Variants in BCOR observed in about 807,000 individuals in gnomAD.
The protein encoded by BCOR is BCL-6 corepressor.
Under a neutral mutation model 86.7 loss-of-function variants are expected in BCOR, and 10 were observed. The observed-to-expected ratio is 0.12, with a 90% CI of 0.07 to 0.20. The LOEUF is 0.20. Among genes scored for constraint, BCOR ranks in the 10% least tolerant of loss-of-function variants. The pLI, the probability that BCOR is intolerant of heterozygous loss-of-function variation, is 1.00. For missense variants in BCOR, 1,259 were observed against 1,452.1 expected (o/e 0.87, Z 2.16); for synonymous variants, 611 against 609.0 (o/e 1.00, Z -0.05).
At chrX:40,142,208 C>G (rs1374957700) in intron 1 of BCOR, among the ~76,000 whole-genome samples, 1 of 112,362 alleles carries the variant, frequency 8.9e-6, no homozygotes, top group Non-Finnish European at 1.9e-5. Flanking sequence ...AACCAGCAGT[C>G]ACTTTCCTCC....
intron 1 of BCOR, among the ~76,000 whole-genome samples, chrX:40,138,290 A>G (rs1232540377): frequency 8.9e-6 from 1 of 111,792 alleles, no homozygotes; most frequent in East Asian, 2.8e-4. Context: ...GAAACTCTCC[A>G]TGAGTGGAAA....
At chrX:40,143,575 G>A (rs1374085625) in intron 1 of BCOR, among the ~76,000 whole-genome samples, 1 of 112,776 alleles carries the variant, frequency 8.9e-6, no homozygotes, top group African/African-American at 3.2e-5. Flanking sequence ...ACGAAAGATG[G>A]TATCAAGGCC....
At chrX:40,091,927 G>A (rs1269142771) in intron 1 of BCOR, among the ~76,000 whole-genome samples, 2 of 113,228 alleles carry the variant, frequency 1.8e-5, no homozygotes, top group Non-Finnish European at 3.8e-5. Flanking sequence ...CCAGAAGATG[G>A]GCTGGGGCAC....
intron 12 of BCOR, 147 bp from the exon 13 acceptor site, chrX:40,054,480 G>C (rs1341868072): frequency 8.8e-6 from 4 of 455,226 alleles, no homozygotes; most frequent in Non-Finnish European, 1.5e-5. Flanking sequence ...AAATAAAGTA[G>C]CATTACACTT....
intron 1 of BCOR, among the ~76,000 whole-genome samples, chrX:40,166,318 G>A (rs747894872): frequency 2.7e-5 from 3 of 112,273 alleles, no homozygotes; most frequent in African/African-American, 9.7e-5. Context: ...TCGGGTTGGT[G>A]GAAGTACCAT....
chrX:40,133,712 G>A (rs933655912), intron 1 of BCOR, among the ~76,000 whole-genome samples: 4 of 109,585 alleles, frequency 3.7e-5, no homozygotes, highest in African/African-American at 1.3e-4. Flanking sequence ...TGCCCGCCTC[G>A]GCCTCCCAAA....
intron 1 of BCOR, among the ~76,000 whole-genome samples, chrX:40,134,294 T>C (rs768624727): frequency 1.1e-4 from 12 of 110,673 alleles, no homozygotes; most frequent in Non-Finnish European, 1.7e-4. Context: ...TCCAGATTTT[T>C]ATTTTCTCAG....
intron 1 of BCOR, among the ~76,000 whole-genome samples, chrX:40,167,450 G>A (rs1183870729): frequency 1.8e-5 from 2 of 112,549 alleles, no homozygotes; most frequent in Non-Finnish European, 3.8e-5. Context: ...GGGAGGGGAG[G>A]ATCGGATGGG....
intron 1 of BCOR, among the ~76,000 whole-genome samples, chrX:40,172,907 C>T (rs946351969): frequency 8.9e-6 from 1 of 112,924 alleles, no homozygotes; most frequent in Non-Finnish European, 1.9e-5. Context: ...TCCCCAGTCA[C>T]CTCCGGCGGA....
chrX:40,063,719 T>C lies in BCOR; in HGVS notation c.3736A>G (p.Ile1246Val). Reference sequence around the variant, plus strand: ...TCAGTGATGTTAGTCCCCTGAGGAATGGCCTCAGGCTGAGTGGCCTGGGTC... The same window carrying C: ...TCAGTGATGTTAGTCCCCTGAGGAACGGCCTCAGGCTGAGTGGCCTGGGTC... ...EVTQATQPEA[I>V]PQGTNITEEK... The change falls in exon 8 of 15, where the codon ATT (isoleucine) becomes GTT (valine). Residue 1246 changes from isoleucine (I) to valine (V), a missense_variant. Ile to Val is a conservative substitution (Grantham distance 29). Transcript: ENST00000378444. 2 of 1,211,387 alleles carry C rather than the reference T, an allele frequency of 1.7e-6. No individual in the cohort carries two copies. Among genetic ancestry groups the C allele is most frequent in the Non-Finnish European group, 2.2e-6 (2 of 894,951 alleles).
chrX:40,164,392 G>A (rs1407051386), intron 1 of BCOR, among the ~76,000 whole-genome samples: 2 of 112,887 alleles, frequency 1.8e-5, no homozygotes, highest in Non-Finnish European at 3.7e-5. Flanking sequence ...ATGGAAGAAG[G>A]TGAACTGGGT....
chrX:40,115,259 C>T (rs993305453), intron 1 of BCOR, among the ~76,000 whole-genome samples: 2 of 111,796 alleles, frequency 1.8e-5, no homozygotes, highest in African/African-American at 6.5e-5. Flanking sequence ...GCACTGTTTC[C>T]CCAAACCTTT....
In BCOR at chrX:40,161,251, G is replaced by A. The variant is rs1366845455; in HGVS notation, c.-41+15756C>T. Among the ~76,000 whole-genome samples, 3 of 106,553 alleles carry A rather than the reference G, an allele frequency of 2.8e-5. No individual in the cohort carries two copies. The East Asian group carries it at 8.8e-4, about 31-fold the overall frequency. 92.5% of individuals were successfully genotyped at this position (106,553 alleles called of 115,157 possible). On this transcript the variant is annotated intron_variant, in intron 1 of 14. Transcript: ENST00000342274. ...AGACGTCGTCTCACTCTGTCGCCCAGGCTGGAGTGAAGTGGCGCGATCTTG... is the reference window on the plus strand; with the variant it reads ...AGACGTCGTCTCACTCTGTCGCCCAAGCTGGAGTGAAGTGGCGCGATCTTG...
chrX:40,095,289 A>C (rs1021435845), intron 1 of BCOR, among the ~76,000 whole-genome samples: 3 of 112,119 alleles, frequency 2.7e-5, no homozygotes, highest in African/African-American at 9.7e-5. Context: ...GTCCACGTAC[A>C]GGAATCTTTG....
chrX:40,172,133 C>A (rs1307695349), intron 1 of BCOR, among the ~76,000 whole-genome samples: 2 of 112,887 alleles, frequency 1.8e-5, no homozygotes, highest in Non-Finnish European at 1.9e-5. Flanking sequence ...CGACCCGCGG[C>A]ACGCAGGGGA....
chrX:40,106,342 T>C (rs1272205862), intron 1 of BCOR, among the ~76,000 whole-genome samples: 1 of 112,114 alleles, frequency 8.9e-6, no homozygotes, highest in Non-Finnish European at 1.9e-5. Flanking sequence ...GGAGGATGAT[T>C]ACCCGGCGGG....
At chrX:40,105,515 G>A (rs1469685537) in intron 1 of BCOR, among the ~76,000 whole-genome samples, 1 of 111,836 alleles carries the variant, frequency 8.9e-6, no homozygotes, top group East Asian at 2.9e-4. Flanking sequence ...CCCTTCCTGC[G>A]GTCCGATGAG....
intron 1 of BCOR, among the ~76,000 whole-genome samples, chrX:40,170,584 C>T (rs6610393): frequency 9.0e-6 from 1 of 111,251 alleles, no homozygotes; most frequent in Non-Finnish European, 1.9e-5. Flanking sequence ...CCTGACCTCA[C>T]GTGATCCACC....
rs755444417 is a variant in BCOR, at chrX:40,057,404, A to G, written c.4429-83T>C. On this transcript the variant is annotated intron_variant, in intron 10 of 14. Transcript: ENST00000378444. Reference sequence around the variant, plus strand: ...GGACCTCTCTGTAGCTTTCAAAGACATACACCCTCAGGCCTGAGAACCTGA... The same window carrying G: ...GGACCTCTCTGTAGCTTTCAAAGACGTACACCCTCAGGCCTGAGAACCTGA... The G allele has an allele frequency of 1.6e-5, 16 of 1,011,526 alleles. No homozygotes were observed. In the East Asian group the frequency reaches 5.2e-4, roughly 33 times the overall value. The allele number at this position is 1,011,526 out of a possible 1,213,427, so 83.4% of individuals were successfully genotyped here.
Sources: allele counts gnomAD v4.1 joint callset (sites outside exome capture counted in the v4.1 genomes callset), GRCh38; gene constraint gnomAD v4.1.1; transcripts MANE v1.5; gene names NCBI Gene and HGNC (gene_info 2026-07-23, HGNC 2026-07-21).